Variants in TAF2 observed in about 807,000 individuals in gnomAD.
TAF2 encodes the protein transcription initiation factor TFIID subunit 2.
Under a neutral mutation model 138.5 loss-of-function variants are expected in TAF2, and 61 were observed. That is an observed-to-expected ratio of 0.44 (90% confidence interval 0.36 to 0.54). The LOEUF (loss-of-function observed/expected upper bound fraction) is 0.54, where lower values mean the gene tolerates loss of function less well. TAF2 is among the 20% of genes least tolerant of loss of function. The pLI is 0.00. For synonymous variants in TAF2, 475 were observed against 469.9 expected (o/e 1.01, Z -0.14); for missense variants, 1,090 against 1,427.9 (o/e 0.76, Z 3.81).
chr8:119,804,253 T>C (rs572702699), intron 4 of TAF2, among the ~76,000 whole-genome samples: 3 of 152,296 alleles, frequency 2.0e-5, no homozygotes, highest in Non-Finnish European at 4.4e-5. Context: ...TGTATTATTT[T>C]CCCAAAATAC....
rs142135760 is a variant in TAF2 at position 119,804,568 on chromosome 8, C to G, written c.419-549G>C. ...CAAAATGGGAGTTGCCCTGCACAAG[C>G]TCTCTCTCTCTCTTTTTGCTGGCAG... On this transcript the variant is annotated intron_variant, in intron 4 of 25. Transcript: ENST00000378164. 8.2e-4 allele frequency among the ~76,000 whole-genome samples: 123 copies of G among 150,610 alleles called. 1 individual carries two copies. In the East Asian group the frequency reaches 0.02, roughly 25 times the overall value.
At chr8:119,761,197 T>C (rs1181195385) in intron 19 of TAF2, among the ~76,000 whole-genome samples, 1 of 152,172 alleles carries the variant, frequency 6.6e-6, no homozygotes, top group African/African-American at 2.4e-5. Context: ...CTTTCATATG[T>C]TTGGATATGT....
intron 22 of TAF2, among the ~76,000 whole-genome samples, chr8:119,748,258 A>G (rs1820117831): frequency 6.6e-6 from 1 of 152,118 alleles, no homozygotes; most frequent in African/African-American, 2.4e-5. Context: ...AAAAATTTGG[A>G]TATCATAAAT....
chr8:119,799,073 C>T (rs890043817), intron 6 of TAF2, among the ~76,000 whole-genome samples: 1 of 152,038 alleles, frequency 6.6e-6, no homozygotes, highest in African/African-American at 2.4e-5. Flanking sequence ...TTGCCTTGTT[C>T]CTATTCAATA....
chr8:119,815,875 T>C (rs891277445), intron 3 of TAF2, among the ~76,000 whole-genome samples: 2 of 152,184 alleles, frequency 1.3e-5, no homozygotes, highest in African/African-American at 4.8e-5. Flanking sequence ...GACAGCTGCT[T>C]ATACACGTTA....
Position 119,783,704 on chromosome 8 carries a change from A to G in TAF2, c.1860-71T>C. On this transcript the variant is annotated intron_variant, in intron 15 of 25. Transcript: ENST00000378164. ...TCATCTATATATTTAGAAAATAAAT[A>G]CAAAGCATTTATTTACCAGGTTTCC... is the stretch of plus-strand genomic sequence containing the variant. 2.0e-6 allele frequency: 3 copies of G among 1,489,734 alleles called. No individual in the cohort carries two copies. In the South Asian group the frequency reaches 3.8e-5, roughly 19 times the overall value. 92.3% of individuals were successfully genotyped at this position (1,489,734 alleles called of 1,614,324 possible). A position where few individuals can be genotyped will look rare whatever the true frequency, so the allele number is the denominator to read the frequency against.
chr8:119,819,720 G>C (rs577228095), intron 2 of TAF2, among the ~76,000 whole-genome samples: 7 of 152,146 alleles, frequency 4.6e-5, no homozygotes, highest in Admixed American at 2.6e-4. Context: ...CATCCTGGTG[G>C]TTCATATTCA....
intron 16 of TAF2, among the ~76,000 whole-genome samples, chr8:119,781,781 G>A (rs1029606781): frequency 4.6e-5 from 7 of 151,344 alleles, no homozygotes; most frequent in African/African-American, 9.7e-5. Context: ...TCTGCCTCCC[G>A]GGCTCCAGAG....
intron 3 of TAF2, among the ~76,000 whole-genome samples, chr8:119,808,270 T>C (rs1205662890): frequency 6.6e-6 from 1 of 152,250 alleles, no homozygotes; most frequent in Non-Finnish European, 1.5e-5. Context: ...GTAGATCCCA[T>C]CTCAAGAAAC....
chr8:119,811,219 C>A (rs1266496855), intron 3 of TAF2, among the ~76,000 whole-genome samples: 2 of 152,002 alleles, frequency 1.3e-5, no homozygotes, highest in Non-Finnish European at 2.9e-5. Flanking sequence ...ATATAATTTT[C>A]TCTAAGAATT....
chr8:119,765,450 T>C (rs964696887), intron 18 of TAF2, among the ~76,000 whole-genome samples: 3 of 152,094 alleles, frequency 2.0e-5, no homozygotes, highest in African/African-American at 4.8e-5. Flanking sequence ...AAAGGCACCC[T>C]TGGGTTAAGG....
intron 21 of TAF2, among the ~76,000 whole-genome samples, chr8:119,756,804 T>C (rs902646353): frequency 6.6e-6 from 1 of 152,022 alleles, no homozygotes; most frequent in African/African-American, 2.4e-5. Flanking sequence ...GGCAACGCAA[T>C]GAAAACAAAA....
intron 3 of TAF2, among the ~76,000 whole-genome samples, chr8:119,808,355 T>C (rs567226055): frequency 3.3e-4 from 50 of 152,310 alleles, no homozygotes; most frequent in African/African-American, 1.2e-3. Context: ...AGCAATTCAG[T>C]CTTACCTTTA....
intron 18 of TAF2, among the ~76,000 whole-genome samples, chr8:119,776,988 G>GA (rs935034239): frequency 1.7e-4 from 26 of 152,068 alleles, no homozygotes; most frequent in African/African-American, 6.3e-4. Flanking sequence ...ATTTGGGGAA[G>GA]AAAAAGGAAG....
chr8:119,770,830 T>C (rs963717518), intron 18 of TAF2, among the ~76,000 whole-genome samples: 1 of 152,158 alleles, frequency 6.6e-6, no homozygotes, highest in Admixed American at 6.5e-5. Flanking sequence ...TCCTACCACT[T>C]TGGGAGACTG....
chr8:119,743,032 G>A (rs562792333), intron 24 of TAF2, among the ~76,000 whole-genome samples: 31 of 151,640 alleles, frequency 2.0e-4, no homozygotes, highest in Admixed American at 1.1e-3. Context: ...TGGCACTACC[G>A]CACTCCAGCC....
chr8:119,780,269 A>C (rs1318912409), intron 17 of TAF2, among the ~76,000 whole-genome samples: 1 of 152,236 alleles, frequency 6.6e-6, no homozygotes, highest in African/African-American at 2.4e-5. Context: ...CTTTCTAAAA[A>C]TTCCACTTAT....
intron 18 of TAF2, among the ~76,000 whole-genome samples, chr8:119,776,899 T>TG (rs35165826): frequency 0.27 from 41,235 of 151,948 alleles, 6,842 homozygotes; most frequent in Admixed American, 0.46. Context: ...ACACTATAGC[T>TG]GACCCTCTCT....
intron 25 of TAF2, among the ~76,000 whole-genome samples, chr8:119,738,354 TC>T (rs1819373409): frequency 6.6e-6 from 1 of 152,106 alleles, no homozygotes; most frequent in Non-Finnish European, 1.5e-5. Context: ...TATATTACCA[TC>T]CCTTGATACA....
Sources: gnomAD v4.1 joint callset for allele counts (sites outside exome capture counted in the v4.1 genomes callset) on GRCh38, gnomAD v4.1.1 for gene constraint, MANE v1.5 for transcripts, NCBI Gene and HGNC (gene_info 2026-07-23, HGNC 2026-07-21) for gene names.